RASAL2: variants seen among roughly 807,000 people sequenced by gnomAD.
The protein encoded by RASAL2 is RAS protein activator like 2, also known as ras GTPase-activating protein nGAP.
RASAL2 carries 58 observed loss-of-function variants against 128.9 expected under a neutral mutation model. That is an observed-to-expected ratio of 0.45 (90% CI 0.36 to 0.56). RASAL2 has a LOEUF of 0.56. RASAL2 is among the 20% of genes least tolerant of loss of function. RASAL2 has a pLI of 0.00. For missense variants in RASAL2, 1,360 were observed against 1,601.6 expected (o/e 0.85, Z 2.57); for synonymous variants, 561 against 580.8 (o/e 0.97, Z 0.49).
chr1:178,211,024 G>A (rs1242161531), intron 1 of RASAL2, among the ~76,000 whole-genome samples: 3 of 152,152 alleles, frequency 2.0e-5, no homozygotes, highest in Admixed American at 2.0e-4. Context: ...ACAGGGATTG[G>A]TCACCTGGGG....
rs768346194 is a variant in RASAL2, at chr1:178,094,501, C to G, written c.9C>G (p.Leu3=). The change falls in exon 1 of 18, where the codon CTC becomes CTG. Residue 3 remains leucine (L), a synonymous_variant. Transcript: ENST00000367649. The part of the protein sequence containing the change: ME[L]SPSSGGAAEA... The stretch of plus-strand genomic sequence containing the variant: ...TCCCGCCTCGGGGCACCATGGAGCT[C>G]TCTCCGTCGTCCGGAGGAGCCGCGG... 2.4e-5 allele frequency: 38 copies of G among 1,555,636 alleles called. No individual in the cohort carries two copies.
Position 178,451,628 on chromosome 1 carries a change from A to G in RASAL2, c.1685A>G (p.Lys562Arg). The G allele has an allele frequency of 1.9e-6, 3 of 1,613,872 alleles. No homozygotes were observed. The highest frequency in any genetic ancestry group is 2.5e-6 in the Non-Finnish European group (3 of 1,179,792). Residue 562 changes from lysine (K) to arginine (R), a missense_variant, in exon 10 of 18, where the codon AAA (lysine) becomes AGA (arginine). Coordinates refer to ENST00000367649, the MANE Select transcript of RASAL2 (RefSeq NM_170692.4). Reference protein sequence around the residue: ...SDENCEVDPSKCSSSELIDHQ... With the variant: ...SDENCEVDPSRCSSSELIDHQ... Reference sequence around the variant, plus strand: ...GAGAACTGTGAAGTGGATCCCAGCAAATGTTCATCTAGTGAACTGATAGAC... The same window carrying G: ...GAGAACTGTGAAGTGGATCCCAGCAGATGTTCATCTAGTGAACTGATAGAC...
At chr1:178,344,595 CTT>C (rs932203226) in intron 3 of RASAL2, among the ~76,000 whole-genome samples, 21 of 152,254 alleles carry the variant, frequency 1.4e-4, no homozygotes, top group African/African-American at 3.8e-4. Context: ...GTTACAGACT[CTT>C]TTTGTTCTCT....
chr1:178,104,508 C>G (rs1659018803), intron 1 of RASAL2, among the ~76,000 whole-genome samples: 1 of 152,120 alleles, frequency 6.6e-6, no homozygotes, highest in South Asian at 2.1e-4. Flanking sequence ...ATCCAAACTT[C>G]TGAATGTTTT....
intron 1 of RASAL2, among the ~76,000 whole-genome samples, chr1:178,158,320 A>T (rs1171635977): frequency 6.6e-6 from 1 of 152,238 alleles, no homozygotes. Context: ...TGTGTCCTTC[A>T]ACAAAGTAGT....
At chr1:178,140,486 T>C (rs976546262) in intron 1 of RASAL2, among the ~76,000 whole-genome samples, 4 of 152,206 alleles carry the variant, frequency 2.6e-5, no homozygotes, top group Admixed American at 6.5e-5. Flanking sequence ...CTTCCATTCT[T>C]TCCTCCCCCT....
intron 1 of RASAL2, among the ~76,000 whole-genome samples, chr1:178,097,688 A>G (rs982747340): frequency 1.3e-5 from 2 of 152,178 alleles, no homozygotes; most frequent in Admixed American, 1.3e-4. Context: ...CTTCTGTTTG[A>G]AATCATGATG....
At chr1:178,266,491 T>TA (rs1302303108) in intron 1 of RASAL2, among the ~76,000 whole-genome samples, 3 of 152,224 alleles carry the variant, frequency 2.0e-5, no homozygotes, top group African/African-American at 4.8e-5. Context: ...TTCATTTTGA[T>TA]ACGGCTCCAA....
chr1:178,464,557 A>G (rs78641750), intron 15 of RASAL2, 145 bp downstream of exon 15: 1 of 786,542 alleles, frequency 1.3e-6, no homozygotes. Flanking sequence ...TCTATGTAAA[A>G]TAGGTCAGTG....
At chr1:178,189,283 A>G (rs1272805384) in intron 1 of RASAL2, among the ~76,000 whole-genome samples, 2 of 152,208 alleles carry the variant, frequency 1.3e-5, no homozygotes, top group Non-Finnish European at 2.9e-5. Flanking sequence ...TGAGGATATA[A>G]TAACCAATTC....
At chr1:178,175,980 A>T (rs1486361341) in intron 1 of RASAL2, among the ~76,000 whole-genome samples, 1 of 152,160 alleles carries the variant, frequency 6.6e-6, no homozygotes, top group Non-Finnish European at 1.5e-5. Context: ...GGTTAGTTCC[A>T]TGTCTTTGCA....
chr1:178,358,359 TAAGTA>T lies in RASAL2; in HGVS notation c.458-31737_458-31733del, dbSNP rs375824292. Among the ~76,000 whole-genome samples the T allele has an allele frequency of 5.5e-3, 828 of 151,730 alleles. 5 individuals carry two copies. Among genetic ancestry groups the T allele is most frequent in the African/African-American group, 0.018 (750 of 41,388 alleles). ...TAAACTTCTGTCCATCTATAGACTT[TAAGTA>T]AAGAAGGTAAAAAGACCAGTTAGAA... On this transcript the variant is annotated intron_variant, in intron 3 of 17. Transcript: ENST00000367649.
rs1200178447 is a variant in RASAL2, at chr1:178,405,830, G to A, written c.565-14681G>A. ...AACTGGTGAATTTAGAATTAGGGCT[G>A]TGTTTAGGTGAGTATAGTACCTATG... On this transcript the variant is annotated intron_variant, in intron 4 of 17. Coordinates refer to ENST00000367649, the MANE Select transcript of RASAL2 (RefSeq NM_170692.4). 4.6e-5 allele frequency among the ~76,000 whole-genome samples: 7 copies of A among 152,330 alleles called. No individual in the cohort carries two copies. The East Asian group carries it at 1.2e-3, about 25-fold the overall frequency.
At chr1:178,164,240 A>G (rs2101899825) in intron 1 of RASAL2, among the ~76,000 whole-genome samples, 1 of 152,250 alleles carries the variant, frequency 6.6e-6, no homozygotes, top group South Asian at 2.1e-4. Context: ...TATTGACATC[A>G]ATTTTTATTT....
intron 1 of RASAL2, among the ~76,000 whole-genome samples, chr1:178,142,165 G>A (rs766641549): frequency 6.6e-6 from 1 of 152,094 alleles, no homozygotes; most frequent in Non-Finnish European, 1.5e-5. Context: ...TAGCACTGTC[G>A]CCTGGATTTT....
At position 178,146,847 on chromosome 1, in the gene RASAL2, G is replaced by A. The variant is rs199811280; in HGVS notation, c.202+52153G>A. Among the ~76,000 whole-genome samples the A allele has an allele frequency of 3.0e-4, 45 of 152,354 alleles. No individual in the cohort carries two copies. In the East Asian group the frequency reaches 8.1e-3, roughly 27 times the overall value. Reference sequence around the variant, plus strand: ...TTAATTTTCACTGTGATGGATGGCAGCAACCTTTTCCACATCAACTTGGTC... The same window carrying A: ...TTAATTTTCACTGTGATGGATGGCAACAACCTTTTCCACATCAACTTGGTC... On this transcript the variant is annotated intron_variant, in intron 1 of 17. Coordinates refer to ENST00000367649, the MANE Select transcript of RASAL2 (RefSeq NM_170692.4).
chr1:178,320,715 C>G (rs1269262726), intron 3 of RASAL2, among the ~76,000 whole-genome samples: 3 of 152,194 alleles, frequency 2.0e-5, no homozygotes, highest in Non-Finnish European at 4.4e-5. Context: ...TGAGATGAAC[C>G]CGGTACCTCA....
At chr1:178,329,503 T>G (rs1332801810) in intron 3 of RASAL2, among the ~76,000 whole-genome samples, 1 of 152,148 alleles carries the variant, frequency 6.6e-6, no homozygotes, top group Non-Finnish European at 1.5e-5. Flanking sequence ...CTAAAAGTTT[T>G]CAGGGATTTA....
intron 4 of RASAL2, among the ~76,000 whole-genome samples, chr1:178,404,537 C>T (rs1459463917): frequency 2.0e-5 from 3 of 151,900 alleles, no homozygotes; most frequent in African/African-American, 7.3e-5. Context: ...CGTACCACCA[C>T]GCCCAGATAA....
Sources: allele counts gnomAD v4.1 joint callset (sites outside exome capture counted in the v4.1 genomes callset), GRCh38; gene constraint gnomAD v4.1.1; transcripts MANE v1.5; gene names NCBI Gene and HGNC (gene_info 2026-07-23, HGNC 2026-07-21).